The following SLC24A2 variants were observed in gnomAD, a reference collection of about 807,000 sequenced individuals.
The protein encoded by SLC24A2 is solute carrier family 24 member 2.
SLC24A2 carries 36 observed loss-of-function variants against 62.0 expected under a neutral mutation model. That is an observed-to-expected ratio of 0.58 (90% CI 0.44 to 0.77). The LOEUF (loss-of-function observed/expected upper bound fraction) is 0.77, where lower values mean the gene tolerates loss of function less well. SLC24A2 is among the 30% of genes least tolerant of loss of function. The probability of loss-of-function intolerance (pLI) is 0.00; values close to 1 mark genes in which losing one functional copy is unlikely to be tolerated. For synonymous variants in SLC24A2, 358 were observed against 294.0 expected (o/e 1.22, Z -2.23); for missense variants, 846 against 817.9 (o/e 1.03, Z -0.42).
the SLC24A2 span, among the ~76,000 whole-genome samples, chr9:19,919,393 T>C: frequency 6.6e-6 from 1 of 152,116 alleles, no homozygotes; most frequent in Admixed American, 6.5e-5. Flanking sequence ...TGTGCTTTTA[T>C]TGCTACAGTC....
the SLC24A2 span, among the ~76,000 whole-genome samples, chr9:20,094,445 C>A: frequency 6.6e-6 from 1 of 152,112 alleles, no homozygotes; most frequent in Non-Finnish European, 1.5e-5. Context: ...AATTTAAGCT[C>A]CCATGTGAAA....
At chr9:19,538,633 A>G (rs1464372228) in intron 8 of SLC24A2, among the ~76,000 whole-genome samples, 2 of 102,302 alleles carry the variant, frequency 2.0e-5, no homozygotes, top group Non-Finnish European at 3.8e-5. Flanking sequence ...TTTTTGCATC[A>G]ATGTTCATCA....
the SLC24A2 span, among the ~76,000 whole-genome samples, chr9:19,806,070 T>C: frequency 6.6e-6 from 1 of 152,160 alleles, no homozygotes; most frequent in Non-Finnish European, 1.5e-5. Flanking sequence ...AGGCATAATA[T>C]TAATCAAGTA....
intron 4 of SLC24A2, among the ~76,000 whole-genome samples, chr9:19,602,386 TC>T (rs1170687346): frequency 6.6e-6 from 1 of 152,206 alleles, no homozygotes; most frequent in Non-Finnish European, 1.5e-5. Context: ...TGTTCTAACA[TC>T]CTTTTCACAA....
At chr9:19,647,514 A>G (rs1005636721) in intron 2 of SLC24A2, among the ~76,000 whole-genome samples, 3 of 152,200 alleles carry the variant, frequency 2.0e-5, no homozygotes, top group African/African-American at 7.2e-5. Flanking sequence ...TACAGCAGCA[A>G]GCATTGCCCA....
chr9:19,596,637 G>A (rs1836708999), intron 5 of SLC24A2, among the ~76,000 whole-genome samples: 1 of 152,142 alleles, frequency 6.6e-6, no homozygotes, highest in Non-Finnish European at 1.5e-5. Flanking sequence ...CTATCCTCAT[G>A]GAGTGGGAAC....
chr9:19,594,670 G>A (rs957253492), intron 5 of SLC24A2, among the ~76,000 whole-genome samples: 8 of 152,130 alleles, frequency 5.3e-5, no homozygotes, highest in Non-Finnish European at 1.2e-4. Flanking sequence ...AACTGGAAGG[G>A]GTATTTCTCA....
the SLC24A2 span, among the ~76,000 whole-genome samples, chr9:20,096,322 T>G: frequency 1.3e-5 from 2 of 152,176 alleles, no homozygotes. Context: ...AATCTATAAC[T>G]CATTCTTTCT....
chr9:20,036,654 A>T, the SLC24A2 span, among the ~76,000 whole-genome samples: 1 of 152,148 alleles, frequency 6.6e-6, no homozygotes, highest in Non-Finnish European at 1.5e-5. Context: ...TGTTGTCACA[A>T]ATGACAAAAT....
chr9:19,855,057 C>G, the SLC24A2 span, among the ~76,000 whole-genome samples: 3 of 152,190 alleles, frequency 2.0e-5, no homozygotes, highest in East Asian at 5.8e-4. Flanking sequence ...CCTCCTTTGT[C>G]TTTTTTAATC....
chr9:20,154,972 A>T, the SLC24A2 span, among the ~76,000 whole-genome samples: 1 of 151,642 alleles, frequency 6.6e-6, no homozygotes, highest in Non-Finnish European at 1.5e-5. Flanking sequence ...TATCAGGGAA[A>T]AAGAGATTTC....
At chr9:20,065,971 T>C in the SLC24A2 span, among the ~76,000 whole-genome samples, 1 of 152,068 alleles carries the variant, frequency 6.6e-6, no homozygotes, top group African/African-American at 2.4e-5. Context: ...TCACTAACAA[T>C]CACAACTATA....
At chr9:19,636,315 T>TTTCCTTTTCTTTCCTTTC (rs1554690361) in intron 2 of SLC24A2, among the ~76,000 whole-genome samples, 18 of 40,318 alleles carry the variant, frequency 4.5e-4, no homozygotes, top group Non-Finnish European at 6.1e-4. Context: ...TTTTCTTTTC[T>TTTCCTTTTCTTTCCTTTC]TTTCTTTCTT....
chr9:20,163,729 C>A, the SLC24A2 span, among the ~76,000 whole-genome samples: 1 of 152,176 alleles, frequency 6.6e-6, no homozygotes, highest in East Asian at 1.9e-4. Flanking sequence ...TGACTTCAAA[C>A]TATACTACAA....
the SLC24A2 span, among the ~76,000 whole-genome samples, chr9:19,852,707 G>T: frequency 1.3e-5 from 2 of 152,134 alleles, no homozygotes; most frequent in Non-Finnish European, 2.9e-5. Flanking sequence ...GTACCATGCT[G>T]TTTTGGTTAC....
At chr9:19,589,569 A>G (rs1182018948) in intron 5 of SLC24A2, among the ~76,000 whole-genome samples, 1 of 152,244 alleles carries the variant, frequency 6.6e-6, no homozygotes, top group Admixed American at 6.5e-5. Flanking sequence ...TTTGTAACCA[A>G]AAGGGAATAT....
chr9:20,146,297 C>T, the SLC24A2 span, among the ~76,000 whole-genome samples: 309 of 152,136 alleles, frequency 2.0e-3, 1 homozygote, highest in Middle Eastern at 0.01. Context: ...CTGTCTGAGT[C>T]GTGTTGAGAG....
At chr9:20,063,443 G>A in the SLC24A2 span, among the ~76,000 whole-genome samples, 2 of 139,044 alleles carry the variant, frequency 1.4e-5, no homozygotes, top group Non-Finnish European at 3.0e-5. Flanking sequence ...ATTGAACAAT[G>A]AGAACACATG....
chr9:19,819,876 G>A, the SLC24A2 span, among the ~76,000 whole-genome samples: 1 of 151,338 alleles, frequency 6.6e-6, no homozygotes, highest in Non-Finnish European at 1.5e-5. Flanking sequence ...AGGAAAAGAA[G>A]TCATTATTTG....
Sources: allele counts gnomAD v4.1 joint callset (sites outside exome capture counted in the v4.1 genomes callset), GRCh38; gene constraint gnomAD v4.1.1; transcripts MANE v1.5; gene names NCBI Gene and HGNC (gene_info 2026-07-23, HGNC 2026-07-21).